The following ACBD6 variants were observed in gnomAD, a reference collection of about 807,000 sequenced individuals.
The protein encoded by ACBD6 is acyl-CoA binding domain containing 6, also known as acyl-CoA-binding domain-containing protein 6.
ACBD6 carries 28 observed loss-of-function variants against 37.2 expected under a neutral mutation model. The ratio of observed to expected loss-of-function variants is 0.75; its 90% CI spans 0.56 to 1.03. ACBD6 has a LOEUF of 1.03. Among genes scored for constraint, ACBD6 ranks in the 50% least tolerant of loss-of-function variants. The probability of loss-of-function intolerance (pLI) is 0.00; values close to 1 mark genes in which losing one functional copy is unlikely to be tolerated. For synonymous variants in ACBD6, 113 were observed against 126.8 expected, an observed-to-expected ratio of 0.89 and a Z score of 0.73; for missense variants, 340 against 337.4, an observed-to-expected ratio of 1.01 and a Z score of -0.06.
At chr1:180,477,841 C>A (rs1244714903) in intron 3 of ACBD6, among the ~76,000 whole-genome samples, 1 of 152,052 alleles carries the variant, frequency 6.6e-6, no homozygotes, top group East Asian at 1.9e-4. Context: ...AATAAGAAGT[C>A]TTAAAAAAGT....
Position 180,295,145 on chromosome 1 carries a change from A to G in ACBD6, c.695-6628T>C, listed in dbSNP as rs544148555. On this transcript the variant is annotated intron_variant, in intron 7 of 7. Transcript: ENST00000367595. Reference sequence around the variant, plus strand: ...TCTGCTCCGATCTTTATTGTTTCACACTTACTTTGGGCTTAATTTGCCCTT... The same window carrying G: ...TCTGCTCCGATCTTTATTGTTTCACGCTTACTTTGGGCTTAATTTGCCCTT... Among the ~76,000 whole-genome samples, 3 of 152,130 alleles carry G rather than the reference A, an allele frequency of 2.0e-5. No individual in the cohort carries two copies. In the South Asian group the frequency reaches 6.2e-4, roughly 32 times the overall value.
At chr1:180,438,061 C>T (rs184205315) in intron 3 of ACBD6, among the ~76,000 whole-genome samples, 1 of 152,156 alleles carries the variant, frequency 6.6e-6, no homozygotes, top group Non-Finnish European at 1.5e-5. Context: ...CTGAGCTCCA[C>T]CTCCTGTGAG....
At chr1:180,285,966 G>A (rs1649484568), downstream of ACBD6, among the ~76,000 whole-genome samples, 1 of 152,062 alleles carries the variant, frequency 6.6e-6, no homozygotes, top group African/African-American at 2.4e-5. Context: ...GATTTAGTTA[G>A]TTTCTGATTG....
chr1:180,417,860 T>G (rs1387681929), intron 4 of ACBD6, among the ~76,000 whole-genome samples: 1 of 152,206 alleles, frequency 6.6e-6, no homozygotes, highest in Non-Finnish European at 1.5e-5. Flanking sequence ...TAGTGAATAT[T>G]ACTTCTTTGT....
intron 3 of ACBD6, among the ~76,000 whole-genome samples, chr1:180,451,300 A>G (rs1339926825): frequency 6.6e-6 from 1 of 152,226 alleles, no homozygotes; most frequent in African/African-American, 2.4e-5. Flanking sequence ...TGTTGTAGCC[A>G]TTTTAGAAGA....
At chr1:180,292,787 A>G (rs1649765269) in intron 7 of ACBD6, among the ~76,000 whole-genome samples, 1 of 152,184 alleles carries the variant, frequency 6.6e-6, no homozygotes, top group African/African-American at 2.4e-5. Context: ...GAGAGAGTGG[A>G]TATCTTTGTC....
chr1:180,397,053 C>T (rs991266289), intron 6 of ACBD6, among the ~76,000 whole-genome samples: 69 of 152,196 alleles, frequency 4.5e-4, no homozygotes, highest in African/African-American at 1.5e-3. Context: ...ACTCAAGCTG[C>T]CCATCAATTG....
intron 3 of ACBD6, among the ~76,000 whole-genome samples, chr1:180,454,239 A>T (rs1376507202): frequency 6.6e-6 from 1 of 152,226 alleles, no homozygotes; most frequent in Non-Finnish European, 1.5e-5. Context: ...CAACCATCTG[A>T]TCTTTGACAA....
rs1652009641 is a variant in ACBD6, at chr1:180,502,169, C to T, written c.98G>A (p.Ser33Asn). 1 of 1,614,128 alleles carries T rather than the reference C, an allele frequency of 6.2e-7. No individual in the cohort carries two copies. Among genetic ancestry groups the T allele is most frequent in the African/African-American group, 1.3e-5 (1 of 75,068 alleles). ...DDSGEVEFPH[S>N]PEIEETSCLA... is the part of the protein sequence containing the mutation. The stretch of plus-strand genomic sequence containing the variant: ...GCAACTGGTCTCCTCGATCTCAGGG[C>T]TATGGGGGAACTCCACCTCCCCGGA... Residue 33 changes from serine (S) to asparagine (N), a missense_variant, in exon 1 of 8, where the codon AGC becomes AAC. Coordinates refer to ENST00000367595, the MANE Select transcript of ACBD6 (RefSeq NM_032360.4).
intron 6 of ACBD6, among the ~76,000 whole-genome samples, chr1:180,396,752 T>C (rs1436905592): frequency 6.6e-6 from 1 of 152,118 alleles, no homozygotes; most frequent in African/African-American, 2.4e-5. Flanking sequence ...GAGATATCAC[T>C]TCATACCCAC....
chr1:180,278,302 G>A (rs993282466), intron 9 of ACBD6: 7 of 151,698 alleles, frequency 4.6e-5, no homozygotes, highest in African/African-American at 1.5e-4. Context: ...AAGGGCTCTG[G>A]GCATGCTGAA....
chr1:180,363,989 G>A (rs954407602), intron 6 of ACBD6, among the ~76,000 whole-genome samples: 7 of 152,138 alleles, frequency 4.6e-5, no homozygotes, highest in African/African-American at 2.4e-5. Context: ...ACTGACAAAT[G>A]CCATGATACC....
At chr1:180,486,500 G>A in intron 3 of ACBD6, among the ~76,000 whole-genome samples, 1 of 152,164 alleles carries the variant, frequency 6.6e-6, no homozygotes. Context: ...CACAGTTCTT[G>A]ACAACGAATA....
At chr1:180,420,576 T>C (rs1257705049) in intron 4 of ACBD6, among the ~76,000 whole-genome samples, 1 of 152,168 alleles carries the variant, frequency 6.6e-6, no homozygotes, top group Non-Finnish European at 1.5e-5. Flanking sequence ...TTGCAGTAGA[T>C]GCCTTCAGTG....
intron 6 of ACBD6, among the ~76,000 whole-genome samples, chr1:180,341,019 A>G (rs1351537163): frequency 2.0e-5 from 3 of 152,136 alleles, no homozygotes; most frequent in African/African-American, 7.2e-5. Context: ...GTGGTTATAA[A>G]CATGGAGTGA....
intron 3 of ACBD6, among the ~76,000 whole-genome samples, chr1:180,483,633 A>G (rs1482675797): frequency 6.6e-6 from 1 of 152,186 alleles, no homozygotes; most frequent in African/African-American, 2.4e-5. Context: ...GCCTCATTTT[A>G]TATTTGGTTC....
At position 180,413,233 on chromosome 1, in the gene ACBD6, A is replaced by C. The variant is rs1647933205; in HGVS notation, c.573+133T>G. ...TATCTTAACTAGGTAACACCATCTC[A>C]TTTAGATATTCTGATATACTCTTAA... On this transcript the variant is annotated intron_variant, in intron 5 of 7. Transcript: ENST00000367595. The C allele has an allele frequency of 4.2e-6, 3 of 721,696 alleles. No homozygotes were observed. The African/African-American group carries it at 5.2e-5, about 13-fold the overall frequency. The allele number at this position is 721,696 out of a possible 1,614,324, so 44.7% of individuals were successfully genotyped here.
intron 1 of ACBD6, among the ~76,000 whole-genome samples, chr1:180,499,699 T>G (rs369215305): frequency 6.6e-6 from 1 of 152,158 alleles, no homozygotes; most frequent in Non-Finnish European, 1.5e-5. Context: ...CAGTAAATAT[T>G]TGTTAAATAA....
In ACBD6 at chr1:180,400,992, G is replaced by A. The variant is rs552322449; in HGVS notation, c.574-3387C>T. ...ATATAATTGTTTTATCTTTTTCCATGAGTGATATAATCTCTTATAAATTTT... is the reference window on the plus strand; with the variant it reads ...ATATAATTGTTTTATCTTTTTCCATAAGTGATATAATCTCTTATAAATTTT... On this transcript the variant is annotated intron_variant, in intron 5 of 7. Coordinates refer to ENST00000367595, the MANE Select transcript of ACBD6 (RefSeq NM_032360.4). Among the ~76,000 whole-genome samples the A allele has an allele frequency of 5.9e-5, 9 of 152,092 alleles. No individual in the cohort carries two copies. The East Asian group carries it at 1.5e-3, about 26-fold the overall frequency.
Sources: gnomAD v4.1 joint callset for allele counts (sites outside exome capture counted in the v4.1 genomes callset) on GRCh38, gnomAD v4.1.1 for gene constraint, MANE v1.5 for transcripts, NCBI Gene and HGNC (gene_info 2026-07-23, HGNC 2026-07-21) for gene names.